Variants in RFT1 observed in about 807,000 individuals in gnomAD.
RFT1 encodes the protein RFT1 glycolipid translocator homolog, also known as man(5)GlcNAc(2)-PP-dolichol translocation protein RFT1.
In RFT1, 43 loss-of-function variants were observed where a neutral mutation model predicts 62.2. That is an observed-to-expected ratio of 0.69 (90% CI 0.54 to 0.89). RFT1 has a LOEUF of 0.89. Among genes scored for constraint, RFT1 ranks in the 40% least tolerant of loss-of-function variants. The pLI, the probability that RFT1 is intolerant of heterozygous loss-of-function variation, is 0.00. For synonymous variants in RFT1, 262 were observed against 264.6 expected, an observed-to-expected ratio of 0.99 and a Z score of 0.10; for missense variants, 605 against 649.9, an observed-to-expected ratio of 0.93 and a Z score of 0.75.
the RFT1 span, among the ~76,000 whole-genome samples, chr3:53,068,700 C>A: frequency 6.6e-6 from 1 of 152,122 alleles, no homozygotes; most frequent in Non-Finnish European, 1.5e-5. Context: ...CAAAGGGAAG[C>A]GAGAAAATAC....
intron 7 of RFT1, 57 bp from the exon 8 acceptor site, chr3:53,106,926 T>C (rs549287061): frequency 7.6e-7 from 1 of 1,319,776 alleles, no homozygotes; most frequent in Admixed American, 1.7e-5. Context: ...CTTTATTGTT[T>C]CCTTTCTCTC....
rs368343704 is a variant in RFT1, at chr3:53,099,500, A to G, written c.1103-14T>C. ...GCAAAACAGGACCTACAAGGAAACA[A>G]CTCACTGAGACTCCAGAGCCCAATC... On this transcript the variant is annotated splice_polypyrimidine_tract_variant and intron_variant, in intron 10 of 12. Coordinates refer to ENST00000296292, the MANE Select transcript of RFT1 (RefSeq NM_052859.4). 2.5e-6 allele frequency: 4 copies of G among 1,605,022 alleles called. No homozygotes were observed. The African/African-American group carries it at 4.0e-5, about 16-fold the overall frequency.
chr3:53,120,590 C>T (rs1368893156), intron 5 of RFT1, among the ~76,000 whole-genome samples: 3 of 152,174 alleles, frequency 2.0e-5, no homozygotes, highest in African/African-American at 4.8e-5. Flanking sequence ...TCCACCCATC[C>T]AGGACAAAAG....
intron 10 of RFT1, among the ~76,000 whole-genome samples, chr3:53,102,279 T>C (rs1444997515): frequency 1.3e-5 from 2 of 152,236 alleles, no homozygotes; most frequent in African/African-American, 4.8e-5. Flanking sequence ...CATAGCTTCA[T>C]TGTGCACTTC....
chr3:53,101,639 G>A (rs1701317854), intron 10 of RFT1, among the ~76,000 whole-genome samples: 1 of 152,222 alleles, frequency 6.6e-6, no homozygotes, highest in African/African-American at 2.4e-5. Flanking sequence ...AGTGGTACCT[G>A]AGAATCTGTC....
downstream of RFT1, among the ~76,000 whole-genome samples, chr3:53,087,510 A>T (rs1240102954): frequency 6.6e-6 from 1 of 150,664 alleles, no homozygotes; most frequent in Non-Finnish European, 1.5e-5. Context: ...CAACATCAAA[A>T]GCTGCTCAGG....
intron 11 of RFT1, among the ~76,000 whole-genome samples, chr3:53,097,836 A>G (rs374479067): frequency 2.0e-5 from 3 of 152,250 alleles, no homozygotes; most frequent in East Asian, 3.8e-4. Flanking sequence ...CTAAATTGAA[A>G]TAGACTTTTT....
intron 7 of RFT1, among the ~76,000 whole-genome samples, chr3:53,108,702 G>GT (rs1442840023): frequency 1.4e-5 from 2 of 147,790 alleles, no homozygotes; most frequent in African/African-American, 5.2e-5. Context: ...ATCTTTAAAT[G>GT]GTTTTTTTTT....
intron 7 of RFT1, among the ~76,000 whole-genome samples, chr3:53,107,505 G>T (rs1701520696): frequency 6.6e-6 from 1 of 151,930 alleles, no homozygotes; most frequent in Admixed American, 6.6e-5. Context: ...ATAGTCCCAA[G>T]TCTTAAGGGG....
At chr3:53,071,341 G>T in the RFT1 span, among the ~76,000 whole-genome samples, 1 of 152,210 alleles carries the variant, frequency 6.6e-6, no homozygotes, top group African/African-American at 2.4e-5. Context: ...AAGCTGTTGA[G>T]AGGACCCCTG....
intron 6 of RFT1, among the ~76,000 whole-genome samples, chr3:53,116,624 CAG>C (rs1701812811): frequency 6.7e-6 from 1 of 149,856 alleles, no homozygotes; most frequent in Non-Finnish European, 1.5e-5. Flanking sequence ...TTTTTTGAGA[CAG>C]AGTCTTGCTC....
Position 53,125,980 on chromosome 3 carries a change from C to A in RFT1, c.78G>T (p.Leu26Phe). ...SGLLLQVLFR[L>F]ITFVLNAFIL... ...TAAATGCATTCAAGACAAAGGTGAT[C>A]AACCGAAACAACACCTATAGAAAAA... Residue 26 changes from leucine to phenylalanine, a missense_variant, in exon 2 of 13, where the codon TTG becomes TTT. Physicochemically the swap from Leu to Phe is conservative, Grantham distance 22 (BLOSUM62 0). Transcript: ENST00000296292. The A allele has an allele frequency of 6.2e-7, 1 of 1,613,064 alleles. No individual in the cohort carries two copies. The highest frequency in any genetic ancestry group is 8.5e-7 in the Non-Finnish European group (1 of 1,179,262).
the RFT1 span, among the ~76,000 whole-genome samples, chr3:53,080,043 A>G: frequency 6.6e-6 from 1 of 152,052 alleles, no homozygotes; most frequent in Admixed American, 6.5e-5. Context: ...GGGCCCATTC[A>G]TGCCTTTCCA....
chr3:53,082,876 G>A, the RFT1 span, among the ~76,000 whole-genome samples: 1 of 152,058 alleles, frequency 6.6e-6, no homozygotes, highest in Admixed American at 6.6e-5. Context: ...TACACATGAA[G>A]CAAAACCCTG....
At chr3:53,070,824 G>C in the RFT1 span, among the ~76,000 whole-genome samples, 1 of 151,716 alleles carries the variant, frequency 6.6e-6, no homozygotes, top group Middle Eastern at 3.2e-3. Flanking sequence ...ATCACCTGAG[G>C]TTAGGAATTC....
chr3:53,127,187 C>T (rs1182755947), intron 1 of RFT1, among the ~76,000 whole-genome samples: 2 of 151,752 alleles, frequency 1.3e-5, no homozygotes, highest in South Asian at 2.1e-4. Context: ...GAGGCCGAGG[C>T]GGGTGGATCA....
At chr3:53,093,779 G>A (rs560477993) in intron 11 of RFT1, among the ~76,000 whole-genome samples, 7 of 152,266 alleles carry the variant, frequency 4.6e-5, no homozygotes, top group African/African-American at 1.7e-4. Context: ...CTAGCTACTC[G>A]GGAGGTTGAA....
the RFT1 span, among the ~76,000 whole-genome samples, chr3:53,072,092 G>A: frequency 1.3e-5 from 2 of 152,216 alleles, no homozygotes; most frequent in Admixed American, 6.5e-5. Flanking sequence ...ACTGTTGGTA[G>A]GTCCAGATGA....
intron 1 of RFT1, 27 bp from the exon 2 acceptor site, chr3:53,126,021 A>G (rs1248770175): frequency 6.5e-7 from 1 of 1,547,636 alleles, no homozygotes; most frequent in Non-Finnish European, 8.9e-7. Flanking sequence ...AAAATACGTA[A>G]GAATAAATGA....
Sources: allele counts gnomAD v4.1 joint callset (sites outside exome capture counted in the v4.1 genomes callset), GRCh38; gene constraint gnomAD v4.1.1; transcripts MANE v1.5; gene names NCBI Gene and HGNC (gene_info 2026-07-23, HGNC 2026-07-21).